The following TMEM51 variants were observed in gnomAD, a reference collection of about 807,000 sequenced individuals.
TMEM51 encodes chromosome 1 open reading frame 72.
Under a neutral mutation model 13.6 loss-of-function variants are expected in TMEM51, and 8 were observed. The observed-to-expected ratio is 0.59, with a 90% CI of 0.35 to 1.07. The LOEUF (loss-of-function observed/expected upper bound fraction) is 1.07. Ranked by LOEUF, TMEM51 falls within the 50% of genes least tolerant of loss-of-function variation. The pLI is 0.02. For missense variants in TMEM51, 279 were observed against 330.7 expected, an observed-to-expected ratio of 0.84 and a Z score of 1.21; for synonymous variants, 147 against 144.4, an observed-to-expected ratio of 1.02 and a Z score of -0.13.
chr1:15,186,714 T>G (rs761292), intron 1 of TMEM51, among the ~76,000 whole-genome samples: 81,622 of 152,044 alleles, frequency 0.54, 22,407 homozygotes, highest in East Asian at 0.64. Flanking sequence ...TTTATCCTGC[T>G]AGGCCATAGG....
chr1:15,219,605 T>C lies in TMEM51; in HGVS notation c.624T>C (p.Ser208=), dbSNP rs1009047188. 3 of 1,614,102 alleles carry C rather than the reference T, an allele frequency of 1.9e-6. No homozygotes were observed. The highest frequency in any genetic ancestry group is 2.5e-6 in the Non-Finnish European group (3 of 1,180,022). ...CGCTGAAAGTTCGAAGGATTAAATCTGAAAAGCTTCACCTCAAAGACTTTA... is the reference window on the plus strand; with the variant it reads ...CGCTGAAAGTTCGAAGGATTAAATCCGAAAAGCTTCACCTCAAAGACTTTA... ...LKPLKVRRIK[S]EKLHLKDFRI... Residue 208 remains serine, a synonymous_variant, in exon 4 of 4, where the codon TCT becomes TCC. Transcript: ENST00000376008.
At chr1:15,193,575 C>CTTTTTTTTTTTTTTTTTTTTTTTT (rs3078881) in intron 1 of TMEM51, among the ~76,000 whole-genome samples, 3 of 114,656 alleles carry the variant, frequency 2.6e-5, no homozygotes, top group South Asian at 5.6e-4. Flanking sequence ...TTCTTTCTTT[C>CTTTTTTTTTTTTTTTTTTTTTTTT]TTTTTTTTTT....
intron 1 of TMEM51, among the ~76,000 whole-genome samples, chr1:15,173,214 C>CTTTTTT (rs3078132): frequency 4.1e-5 from 4 of 97,016 alleles, no homozygotes; most frequent in East Asian, 3.0e-4. Context: ...TGATCATATT[C>CTTTTTT]TTTTTTTTTT....
intron 1 of TMEM51, among the ~76,000 whole-genome samples, chr1:15,208,178 G>C (rs573182693): frequency 3.9e-5 from 6 of 152,296 alleles, no homozygotes; most frequent in African/African-American, 1.2e-4. Flanking sequence ...ACTGCAAAGT[G>C]TTATCATCAC....
rs529430546 is a variant in TMEM51 at position 15,210,096 on chromosome 1, C to T, written c.-266-394C>T. Among the ~76,000 whole-genome samples, 6 of 152,116 alleles carry T rather than the reference C, an allele frequency of 3.9e-5. No individual in the cohort carries two copies. The South Asian group carries it at 1.0e-3, about 26-fold the overall frequency. On this transcript the variant is annotated intron_variant, in intron 1 of 3. Coordinates refer to ENST00000376008, the MANE Select transcript of TMEM51 (RefSeq NM_001136218.2). ...GGAGGGAAGCATGGATTCCATTTGC[C>T]GATTTTTGTTTAGGCTGGTGGGTCA...
intron 1 of TMEM51, among the ~76,000 whole-genome samples, chr1:15,173,404 A>G (rs1427110717): frequency 6.6e-6 from 1 of 151,784 alleles, no homozygotes; most frequent in Non-Finnish European, 1.5e-5. Context: ...TATTTTTAGT[A>G]GAGACGGGGT....
intron 1 of TMEM51, among the ~76,000 whole-genome samples, chr1:15,204,016 T>C (rs977010432): frequency 2.6e-5 from 4 of 152,264 alleles, no homozygotes; most frequent in African/African-American, 4.8e-5. Context: ...AATTCTCATC[T>C]GTGACTTCTC....
chr1:15,191,824 G>A, intron 1 of TMEM51: 1 of 463,258 alleles, frequency 2.2e-6, no homozygotes, highest in Non-Finnish European at 4.4e-6. Context: ...TTACTCTAGT[G>A]GCCAAACCAG....
chr1:15,214,494 T>A (rs1644391980), intron 2 of TMEM51, among the ~76,000 whole-genome samples: 1 of 152,174 alleles, frequency 6.6e-6, no homozygotes. Context: ...TGAGGCCCTG[T>A]CCCCCAGGTG....
intron 1 of TMEM51, among the ~76,000 whole-genome samples, chr1:15,170,241 C>T (rs1203093814): frequency 6.6e-6 from 1 of 152,100 alleles, no homozygotes; most frequent in Non-Finnish European, 1.5e-5. Flanking sequence ...TCTCAGAATG[C>T]CTGGGAGTAC....
chr1:15,190,722 C>T (rs917819822), intron 1 of TMEM51, among the ~76,000 whole-genome samples: 2 of 152,098 alleles, frequency 1.3e-5, no homozygotes, highest in African/African-American at 4.8e-5. Flanking sequence ...CCAGGTTATC[C>T]AAGTGAGCAT....
chr1:15,154,126 C>T (rs1047854070), intron 1 of TMEM51, among the ~76,000 whole-genome samples, 172 bp downstream of exon 1: 32 of 152,124 alleles, frequency 2.1e-4, no homozygotes, highest in African/African-American at 7.2e-4. Context: ...ACCCCGCACC[C>T]TCTGCGGCCG....
Position 15,219,326 on chromosome 1 carries a change from C to G in TMEM51, c.345C>G (p.Ser115Arg). Reference sequence around the variant, plus strand: ...TCCCTGTCTGTGTGTCTTCTTGCAGCCAGGAGGAAGAAGAGGAGGATGAGG... The same window carrying G: ...TCCCTGTCTGTGTGTCTTCTTGCAGGCAGGAGGAAGAAGAGGAGGATGAGG... The part of the protein sequence containing the change: ...GAGPHAQEED[S>R]QEEEEEDEEA... The change falls in exon 4 of 4, where the codon AGC (serine) becomes AGG (arginine). Residue 115 changes from serine (S) to arginine (R), a missense_variant and splice_region_variant. By Grantham distance (110) the Ser-to-Arg change is moderately radical. Coordinates refer to ENST00000376008, the MANE Select transcript of TMEM51 (RefSeq NM_001136218.2). The G allele has an allele frequency of 6.4e-7, 1 of 1,571,624 alleles. No homozygotes were observed. The highest frequency in any genetic ancestry group is 1.2e-5 in the South Asian group (1 of 84,004).
Position 15,219,924 on chromosome 1 carries a change from C to T in TMEM51, c.*181C>T, listed in dbSNP as rs1644491946. 1 of 658,306 alleles carries T rather than the reference C, an allele frequency of 1.5e-6. No homozygotes were observed. Among genetic ancestry groups the T allele is most frequent in the Non-Finnish European group, 2.5e-6 (1 of 394,306 alleles). The allele number at this position is 658,306 out of a possible 1,614,324, so 40.8% of individuals were successfully genotyped here. A position where few individuals can be genotyped will look rare whatever the true frequency, so the allele number is the denominator to read the frequency against. Reference sequence around the variant, plus strand: ...GAGTGACTTTGTTGCCCCACACAGCCTCCTGCTGCAGGTGCTTTGGAAAGA... The same window carrying T: ...GAGTGACTTTGTTGCCCCACACAGCTTCCTGCTGCAGGTGCTTTGGAAAGA... On this transcript the variant is annotated 3_prime_UTR_variant, in exon 4 of 4. Transcript: ENST00000376008.
chr1:15,181,729 T>C (rs1396931489), intron 1 of TMEM51, among the ~76,000 whole-genome samples: 1 of 152,258 alleles, frequency 6.6e-6, no homozygotes, highest in African/African-American at 2.4e-5. Context: ...GTTTTGCCTG[T>C]GTTGTGGGAA....
rs112059304 is a variant in TMEM51, at chr1:15,215,510, G to T, written c.344+79G>T. Reference sequence around the variant, plus strand: ...TGCACACACATGTTCACACCTTTCCGTGGTGAAAAGACTGTCATCTACAGG... The same window carrying T: ...TGCACACACATGTTCACACCTTTCCTTGGTGAAAAGACTGTCATCTACAGG... On this transcript the variant is annotated intron_variant, in intron 3 of 3. Coordinates refer to ENST00000376008, the MANE Select transcript of TMEM51 (RefSeq NM_001136218.2). The T allele has an allele frequency of 1.5e-5, 20 of 1,304,700 alleles. No individual in the cohort carries two copies. In the African/African-American group the frequency reaches 2.7e-4, roughly 17 times the overall value. The allele number at this position is 1,304,700 out of a possible 1,614,324, so 80.8% of individuals were successfully genotyped here. A position where few individuals can be genotyped will look rare whatever the true frequency, so the allele number is the denominator to read the frequency against.
chr1:15,166,704 G>A (rs1291842595), intron 1 of TMEM51, among the ~76,000 whole-genome samples: 3 of 152,188 alleles, frequency 2.0e-5, no homozygotes, highest in Non-Finnish European at 4.4e-5. Context: ...GGATGACAGA[G>A]TGAGACTCTA....
At chr1:15,170,358 CTTT>C (rs34604282) in intron 1 of TMEM51, among the ~76,000 whole-genome samples, 1 of 145,154 alleles carries the variant, frequency 6.9e-6, no homozygotes. Context: ...TTTTTTTTAT[CTTT>C]TTTTTTTTTT....
chr1:15,209,753 T>C (rs1410880050), intron 1 of TMEM51, among the ~76,000 whole-genome samples: 1 of 152,278 alleles, frequency 6.6e-6, no homozygotes, highest in East Asian at 1.9e-4. Flanking sequence ...AAAAATATGG[T>C]TGGGCTGGGT....
Sources: gnomAD v4.1 joint callset for allele counts (sites outside exome capture counted in the v4.1 genomes callset) on GRCh38, gnomAD v4.1.1 for gene constraint, MANE v1.5 for transcripts, NCBI Gene and HGNC (gene_info 2026-07-23, HGNC 2026-07-21) for gene names.